COX7A2: variants seen among roughly 807,000 people sequenced by gnomAD.
COX7A2 encodes cytochrome c oxidase subunit 7A2.
A neutral mutation model predicts 11.6 loss-of-function variants in COX7A2; 11 were observed. The observed-to-expected ratio is 0.95, with a 90% CI of 0.60 to 1.57. The LOEUF (loss-of-function observed/expected upper bound fraction) is 1.57, where lower values mean the gene tolerates loss of function less well. Among genes scored for constraint, COX7A2 ranks in the 40% most tolerant of loss-of-function variants. The pLI, the probability that COX7A2 is intolerant of heterozygous loss-of-function variation, is 0.00. For synonymous variants in COX7A2, 30 were observed against 38.2 expected (o/e 0.78, Z 0.79); for missense variants, 106 against 100.9 (o/e 1.05, Z -0.22).
At chr6:75,245,208 G>A (rs187872617), upstream of COX7A2, among the ~76,000 whole-genome samples, 598 of 152,282 alleles carry the variant, frequency 3.9e-3, 5 homozygotes, top group Middle Eastern at 0.01. Context: ...AAAGAGCCAT[G>A]AGGCCAGGCG....
chr6:75,238,327 A>T (rs1771378168), intron 3 of COX7A2, among the ~76,000 whole-genome samples: 1 of 152,080 alleles, frequency 6.6e-6, no homozygotes, highest in Non-Finnish European at 1.5e-5. Context: ...AGAAAAAAAG[A>T]GTTCAAAATA....
At chr6:75,250,184 C>A (rs1453755634) in exon 1 of COX7A2, 1 of 152,170 alleles carries the variant, frequency 6.6e-6, no homozygotes, top group African/African-American at 2.4e-5. Flanking sequence ...TTGGGCCTTA[C>A]TAACTTAGGT....
chr6:75,241,083 G>C, intron 2 of COX7A2, 93 bp downstream of exon 2: 1 of 1,434,754 alleles, frequency 7.0e-7, no homozygotes, highest in East Asian at 2.3e-5. Flanking sequence ...ATTGTCATAT[G>C]ATCTAATTTA....
At chr6:75,247,047 A>G (rs916222313), upstream of COX7A2, among the ~76,000 whole-genome samples, 1 of 152,230 alleles carries the variant, frequency 6.6e-6, no homozygotes, top group African/African-American at 2.4e-5. Context: ...TTGTAACAGT[A>G]TAACAAAATT....
intron 3 of COX7A2, among the ~76,000 whole-genome samples, chr6:75,238,576 T>C (rs1401479290): frequency 2.6e-5 from 4 of 151,444 alleles, no homozygotes. Flanking sequence ...TGGTGGTGCA[T>C]GCCTGTAATC....
upstream of COX7A2, chr6:75,243,820 T>G: frequency 6.2e-7 from 1 of 1,613,992 alleles, no homozygotes; most frequent in Non-Finnish European, 8.5e-7. Flanking sequence ...CTCCGAGTCT[T>G]GCGTATGCAT....
Position 75,243,728 on chromosome 6 carries a change from G to C in COX7A2, c.7C>G (p.Arg3Gly). 1 of 1,613,660 alleles carries C rather than the reference G, an allele frequency of 6.2e-7. No homozygotes were observed. The highest frequency in any genetic ancestry group is 8.5e-7 in the Non-Finnish European group (1 of 1,179,732). Residue 3 changes from arginine (R) to glycine (G), a missense_variant, in exon 1 of 4, where the codon CGG (arginine) becomes GGG (glycine). By Grantham distance (125) the Arg-to-Gly change is moderately radical. Coordinates refer to ENST00000684430, the MANE Select transcript of COX7A2 (RefSeq NM_001366293.2). ML[R>G]NLLALRQIGQ... The stretch of plus-strand genomic sequence containing the variant: ...GAGAAGCTCCTCACCAGCAGATTCC[G>C]CAGCATCTTGGCTGTTACTGACCAG...
upstream of COX7A2, among the ~76,000 whole-genome samples, chr6:75,244,937 C>A (rs182864316): frequency 5.5e-4 from 84 of 152,170 alleles, no homozygotes; most frequent in African/African-American, 1.9e-3. Flanking sequence ...TGCATATAAC[C>A]AAAACTCTGG....
upstream of COX7A2, among the ~76,000 whole-genome samples, chr6:75,247,839 T>C (rs1771713368): frequency 6.6e-6 from 1 of 152,040 alleles, no homozygotes; most frequent in Non-Finnish European, 1.5e-5. Flanking sequence ...AGGAAGAAAA[T>C]CAAAATGTTT....
chr6:75,238,429 C>A (rs1371060772), intron 3 of COX7A2, among the ~76,000 whole-genome samples: 5 of 151,820 alleles, frequency 3.3e-5, no homozygotes, highest in African/African-American at 1.2e-4. Context: ...ATAACTGGGC[C>A]GGGCATAGTT....
chr6:75,242,295 A>C (rs1283433635), intron 1 of COX7A2, among the ~76,000 whole-genome samples: 2 of 152,108 alleles, frequency 1.3e-5, no homozygotes, highest in African/African-American at 4.8e-5. Flanking sequence ...ACCTGAGGTA[A>C]GGAGTTCAAG....
chr6:75,244,599 G>A (rs1365443107), upstream of COX7A2, among the ~76,000 whole-genome samples: 2 of 152,104 alleles, frequency 1.3e-5, no homozygotes, highest in Non-Finnish European at 2.9e-5. Flanking sequence ...TTTATTTCTT[G>A]TACTTACCCT....
intron 1 of COX7A2, chr6:75,241,714 G>A (rs1309415682): frequency 6.6e-6 from 1 of 152,540 alleles, no homozygotes; most frequent in South Asian, 2.1e-4. Flanking sequence ...GGGAGGCCGG[G>A]GAGGGGGGCG....
intron 3 of COX7A2, among the ~76,000 whole-genome samples, chr6:75,238,598 G>A (rs1287063710): frequency 1.3e-5 from 2 of 151,206 alleles, no homozygotes; most frequent in African/African-American, 4.9e-5. Context: ...CAGCTACTTG[G>A]GAGGCTGAGG....
In COX7A2 at chr6:75,238,068, T is replaced by C. The variant is rs1001671718; in HGVS notation, c.194-80A>G. Reference sequence around the variant, plus strand: ...TAAATTTAATATTCCAGTTCAAAAGTTGTAAGTTTGCATTAAGACTACCTT... The same window carrying C: ...TAAATTTAATATTCCAGTTCAAAAGCTGTAAGTTTGCATTAAGACTACCTT... On this transcript the variant is annotated intron_variant, in intron 3 of 3. Transcript: ENST00000684430. 3.1e-5 allele frequency: 31 copies of C among 993,914 alleles called. No homozygotes were observed. In the South Asian group the frequency reaches 5.9e-4, roughly 19 times the overall value. The allele number at this position is 993,914 out of a possible 1,614,324, so 61.6% of individuals were successfully genotyped here.
chr6:75,241,429 T>C (rs918108441), intron 1 of COX7A2, among the ~76,000 whole-genome samples, 164 bp from the exon 2 acceptor site: 1 of 152,220 alleles, frequency 6.6e-6, no homozygotes, highest in Non-Finnish European at 1.5e-5. Context: ...CAATTTGTTA[T>C]CCATCCTCTG....
rs771075237 is a variant in COX7A2, at chr6:75,243,741, T to A, written c.-7A>T. On this transcript the variant is annotated 5_prime_UTR_variant, in exon 1 of 4. Transcript: ENST00000684430. ...CCAGCAGATTCCGCAGCATCTTGGC[T>A]GTTACTGACCAGCAACCGCCACAAC... is the stretch of plus-strand genomic sequence containing the variant. The A allele has an allele frequency of 6.2e-7, 1 of 1,613,940 alleles. No homozygotes were observed. Among genetic ancestry groups the A allele is most frequent in the Non-Finnish European group, 8.5e-7 (1 of 1,179,858 alleles).
upstream of COX7A2, among the ~76,000 whole-genome samples, chr6:75,247,690 ATT>A (rs201436077): frequency 6.8e-6 from 1 of 147,866 alleles, no homozygotes; most frequent in African/African-American, 2.5e-5. Context: ...CTAATCTCTG[ATT>A]TTTTTTTTTA....
intron 3 of COX7A2, among the ~76,000 whole-genome samples, chr6:75,239,187 G>T (rs1771413819): frequency 6.6e-6 from 1 of 152,186 alleles, no homozygotes; most frequent in African/African-American, 2.4e-5. Context: ...CTTAAAGCCA[G>T]TCAGTCAGAA....
Sources: allele counts gnomAD v4.1 joint callset (sites outside exome capture counted in the v4.1 genomes callset), GRCh38; gene constraint gnomAD v4.1.1; transcripts MANE v1.5; gene names NCBI Gene and HGNC (gene_info 2026-07-23, HGNC 2026-07-21).